Variants in WDPCP observed in about 807,000 individuals in gnomAD.
The protein encoded by WDPCP is WD repeat-containing and planar cell polarity effector protein fritz homolog.
WDPCP carries 71 observed loss-of-function variants against 93.1 expected under a neutral mutation model. That is an observed-to-expected ratio of 0.76 (90% CI 0.63 to 0.93). The LOEUF (loss-of-function observed/expected upper bound fraction) is 0.93. Ranked by LOEUF, WDPCP falls within the 40% of genes least tolerant of loss-of-function variation. The pLI, the probability that WDPCP is intolerant of heterozygous loss-of-function variation, is 0.00. For missense variants in WDPCP, 844 were observed against 887.4 expected (o/e 0.95, Z 0.62); for synonymous variants, 315 against 315.0 (o/e 1.00, Z 0.00).
rs1699936503 is a variant in WDPCP, at chr2:63,475,727, T to A, written c.384+8877A>T. Among the ~76,000 whole-genome samples, 8 of 152,126 alleles carry A rather than the reference T, an allele frequency of 5.3e-5. No homozygotes were observed. The South Asian group carries it at 1.2e-3, about 24-fold the overall frequency. On this transcript the variant is annotated intron_variant, in intron 6 of 17. Coordinates refer to ENST00000272321, the MANE Select transcript of WDPCP (RefSeq NM_015910.7). ...TCTGACTTCTAAACCCTCTAATTTT[T>A]AGGGAAATAAACTTCTCCACAGTTC... is the stretch of plus-strand genomic sequence containing the variant.
At chr2:63,345,231 C>A (rs1054580990) in intron 12 of WDPCP, among the ~76,000 whole-genome samples, 1 of 152,146 alleles carries the variant, frequency 6.6e-6, no homozygotes, top group Non-Finnish European at 1.5e-5. Flanking sequence ...TGAAGTTTAT[C>A]ACTGTATTTT....
intron 13 of WDPCP, among the ~76,000 whole-genome samples, chr2:63,265,333 A>G (rs1216688213): frequency 6.6e-6 from 1 of 152,138 alleles, no homozygotes; most frequent in African/African-American, 2.4e-5. Context: ...GAAATGAAAG[A>G]GGAGACATTA....
At chr2:63,749,512 A>G (rs912292475) in intron 2 of WDPCP, among the ~76,000 whole-genome samples, 1 of 152,072 alleles carries the variant, frequency 6.6e-6, no homozygotes, top group Admixed American at 6.6e-5. Flanking sequence ...TATTCGATAC[A>G]CGAGTTAATA....
chr2:63,153,439 T>C (rs1436190726), intron 16 of WDPCP, 56 bp downstream of exon 16: 2 of 1,376,880 alleles, frequency 1.5e-6, no homozygotes, highest in Non-Finnish European at 2.1e-6. Context: ...TCTTGCAAGC[T>C]ATAACATAGT....
chr2:63,375,774 C>T (rs1691809254), intron 12 of WDPCP, among the ~76,000 whole-genome samples: 1 of 151,814 alleles, frequency 6.6e-6, no homozygotes, highest in Admixed American at 6.6e-5. Flanking sequence ...TGACCTTACC[C>T]TTCATATGCT....
intron 2 of WDPCP, among the ~76,000 whole-genome samples, chr2:63,659,671 G>T (rs1416261576): frequency 6.6e-6 from 1 of 152,180 alleles, no homozygotes; most frequent in Non-Finnish European, 1.5e-5. Flanking sequence ...TCTATATTGT[G>T]AGAGAATGCA....
At chr2:63,452,181 A>G (rs890570116) in intron 6 of WDPCP, among the ~76,000 whole-genome samples, 4 of 152,214 alleles carry the variant, frequency 2.6e-5, no homozygotes, top group Non-Finnish European at 5.9e-5. Flanking sequence ...ATGATTGTAT[A>G]TCTAGAAAAC....
chr2:63,719,850 T>TA (rs1407509061), intron 2 of WDPCP, among the ~76,000 whole-genome samples: 2 of 152,156 alleles, frequency 1.3e-5, no homozygotes, highest in Non-Finnish European at 2.9e-5. Flanking sequence ...TAACCTTAAT[T>TA]AGCCTTAGAA....
intron 17 of WDPCP, among the ~76,000 whole-genome samples, chr2:63,152,471 C>T (rs1475177867): frequency 4.6e-5 from 7 of 152,006 alleles, no homozygotes; most frequent in Admixed American, 4.6e-4. Flanking sequence ...AGGGTTTTGC[C>T]ATGTTGGCCA....
At chr2:63,796,824 G>T (rs1238610989) in intron 2 of WDPCP, among the ~76,000 whole-genome samples, 1 of 152,242 alleles carries the variant, frequency 6.6e-6, no homozygotes, top group Non-Finnish European at 1.5e-5. Context: ...CTTGGAGCCA[G>T]TGGACTTGAG....
chr2:63,333,102 T>A (rs1688099504), intron 12 of WDPCP, among the ~76,000 whole-genome samples: 1 of 152,166 alleles, frequency 6.6e-6, no homozygotes, highest in Admixed American at 6.6e-5. Context: ...TTTAGCACCA[T>A]TTATTGAAAA....
At position 63,383,698 on chromosome 2, in the gene WDPCP, G is replaced by A. The variant is rs187690733; in HGVS notation, c.1436-1604C>T. Among the ~76,000 whole-genome samples, 5 of 152,248 alleles carry A rather than the reference G, an allele frequency of 3.3e-5. No individual in the cohort carries two copies. The East Asian group carries it at 9.7e-4, about 29-fold the overall frequency. On this transcript the variant is annotated intron_variant, in intron 10 of 17. Coordinates refer to ENST00000272321, the MANE Select transcript of WDPCP (RefSeq NM_015910.7). The stretch of plus-strand genomic sequence containing the variant: ...ACTGCACTCCAGCCTGGGTGACAGA[G>A]TGAGACTCTGTCTCAATCAATCAAT...
At chr2:63,285,974 C>A (rs946534643) in intron 13 of WDPCP, among the ~76,000 whole-genome samples, 1 of 149,208 alleles carries the variant, frequency 6.7e-6, no homozygotes, top group African/African-American at 2.5e-5. Flanking sequence ...TAAATAATAA[C>A]ACAAGGTCAT....
At chr2:63,508,496 G>C (rs1480790940) in intron 1 of WDPCP, among the ~76,000 whole-genome samples, 3 of 152,268 alleles carry the variant, frequency 2.0e-5, no homozygotes, top group Middle Eastern at 3.4e-3. Flanking sequence ...AAAATCTAGA[G>C]ACCATTGACA....
In WDPCP at chr2:63,392,694, AAAAC is replaced by A. The variant is rs1332273605; in HGVS notation, c.1436-10604_1436-10601del. Among the ~76,000 whole-genome samples the A allele has an allele frequency of 1.5e-4, 23 of 152,308 alleles. No homozygotes were observed. The Middle Eastern group carries it at 0.01, about 68-fold the overall frequency. On this transcript the variant is annotated intron_variant, in intron 10 of 17. Transcript: ENST00000272321. ...AGAACTCAAATAAATTTACAAGAAA[AAAAC>A]AAACAACCCCATCAAAAAGTGGGCA... is the stretch of plus-strand genomic sequence containing the variant.
intron 2 of WDPCP, among the ~76,000 whole-genome samples, chr2:63,653,452 G>C (rs1379537899): frequency 6.6e-6 from 1 of 152,156 alleles, no homozygotes; most frequent in Non-Finnish European, 1.5e-5. Flanking sequence ...TAGACCTAGA[G>C]TAAGGCTACT....
At chr2:63,711,801 A>C (rs913008904) in intron 2 of WDPCP, among the ~76,000 whole-genome samples, 1 of 152,146 alleles carries the variant, frequency 6.6e-6, no homozygotes, top group Non-Finnish European at 1.5e-5. Context: ...AATAGCTTCT[A>C]ATGGATTAGG....
intron 13 of WDPCP, among the ~76,000 whole-genome samples, chr2:63,299,344 C>G (rs935439904): frequency 6.6e-6 from 1 of 152,178 alleles, no homozygotes; most frequent in Non-Finnish European, 1.5e-5. Context: ...CCACAACTGT[C>G]TAGTTGCAAG....
intron 1 of WDPCP, among the ~76,000 whole-genome samples, chr2:63,530,854 T>C (rs1703778005): frequency 6.7e-6 from 1 of 148,886 alleles, no homozygotes; most frequent in South Asian, 2.2e-4. Context: ...GGACAGTGGG[T>C]GTAGCCCACA....
Sources: gnomAD v4.1 joint callset for allele counts (sites outside exome capture counted in the v4.1 genomes callset) on GRCh38, gnomAD v4.1.1 for gene constraint, MANE v1.5 for transcripts, NCBI Gene and HGNC (gene_info 2026-07-23, HGNC 2026-07-21) for gene names.